The following FARP1 variants were observed in gnomAD, a reference collection of about 807,000 sequenced individuals.
The protein encoded by FARP1 is FERM, ARH/RhoGEF and pleckstrin domain protein 1, also known as FERM, ARHGEF and pleckstrin domain-containing protein 1.
A neutral mutation model predicts 128.8 loss-of-function variants in FARP1; 52 were observed. The ratio of observed to expected loss-of-function variants is 0.40; its 90% CI spans 0.32 to 0.51. FARP1 has a LOEUF of 0.51. Among genes scored for constraint, FARP1 ranks in the 20% least tolerant of loss-of-function variants. FARP1 has a pLI of 0.45. For synonymous variants in FARP1, 580 were observed against 551.8 expected, an observed-to-expected ratio of 1.05 and a Z score of -0.72; for missense variants, 1,333 against 1,367.9, an observed-to-expected ratio of 0.97 and a Z score of 0.40.
chr13:98,410,421 C>T (rs546717313), intron 14 of FARP1, among the ~76,000 whole-genome samples: 1 of 152,290 alleles, frequency 6.6e-6, no homozygotes, highest in South Asian at 2.1e-4. Flanking sequence ...TAATTTGAGT[C>T]CTTTTGCTGA....
intron 1 of FARP1, among the ~76,000 whole-genome samples, chr13:98,152,569 A>G (rs1019924832): frequency 2.6e-5 from 4 of 152,192 alleles, no homozygotes; most frequent in African/African-American, 9.7e-5. Context: ...GCGCACCTGG[A>G]GCTTAGCATG....
intron 2 of FARP1, among the ~76,000 whole-genome samples, chr13:98,259,020 C>T (rs1883745323): frequency 6.6e-6 from 1 of 151,942 alleles, no homozygotes. Context: ...CCAGGCTGGG[C>T]AACATAGTGA....
intron 5 of FARP1, among the ~76,000 whole-genome samples, chr13:98,375,107 T>A (rs536000627): frequency 6.6e-6 from 1 of 152,212 alleles, no homozygotes. Context: ...ACTGATACAC[T>A]TAAACATTTG....
rs1047471343 is a variant in FARP1, at chr13:98,388,477, A to G, written c.854A>G (p.Asn285Ser). Reference protein sequence around the residue: ...RFLIKLRPDANSAYQDTLEFL... With the variant: ...RFLIKLRPDASSAYQDTLEFL... ...CTCATCAAGCTCCGGCCAGATGCCAATGTAAGTGGTCCTGGCGGGAAAGGG... is the reference window on the plus strand; with the variant it reads ...CTCATCAAGCTCCGGCCAGATGCCAGTGTAAGTGGTCCTGGCGGGAAAGGG... The change falls in exon 9 of 27, where the codon AAT (asparagine) becomes AGT (serine). Residue 285 changes from asparagine to serine, a missense_variant and splice_region_variant. Physicochemically the swap from Asn to Ser is conservative, Grantham distance 46. Coordinates refer to ENST00000319562, the MANE Select transcript of FARP1 (RefSeq NM_005766.4). 4.3e-6 allele frequency: 7 copies of G among 1,612,006 alleles called. No homozygotes were observed. The highest frequency in any genetic ancestry group is 2.7e-5 in the African/African-American group (2 of 74,882).
At chr13:98,383,058 A>G (rs1350750966) in intron 6 of FARP1, among the ~76,000 whole-genome samples, 1 of 152,244 alleles carries the variant, frequency 6.6e-6, no homozygotes, top group Non-Finnish European at 1.5e-5. Context: ...TGTTGTTTCA[A>G]GACTACTCTA....
intron 2 of FARP1, among the ~76,000 whole-genome samples, chr13:98,286,096 T>C (rs1306874327): frequency 6.6e-6 from 1 of 152,202 alleles, no homozygotes; most frequent in Non-Finnish European, 1.5e-5. Context: ...TTAGAACCCC[T>C]GGCCTCACTG....
Position 98,151,300 on chromosome 13 carries a change from G to A in FARP1, c.-24+7808G>A, listed in dbSNP as rs78646003. On this transcript the variant is annotated intron_variant, in intron 1 of 26. Coordinates refer to ENST00000319562, the MANE Select transcript of FARP1 (RefSeq NM_005766.4). Reference sequence around the variant, plus strand: ...AAGTACAGGAGAACACAGAGTGTATGTAGGGTTCAGCGCCATCTGCGGTTT... The same window carrying A: ...AAGTACAGGAGAACACAGAGTGTATATAGGGTTCAGCGCCATCTGCGGTTT... Among the ~76,000 whole-genome samples the A allele has an allele frequency of 2.8e-4, 43 of 152,318 alleles. No individual in the cohort carries two copies. In the East Asian group the frequency reaches 8.1e-3, roughly 29 times the overall value.
At chr13:98,276,717 G>A (rs1417388061) in intron 2 of FARP1, among the ~76,000 whole-genome samples, 1 of 152,156 alleles carries the variant, frequency 6.6e-6, no homozygotes, top group Non-Finnish European at 1.5e-5. Context: ...ATAGAAGTTA[G>A]GTTCCTAGGA....
At position 98,446,137 on chromosome 13, in the gene FARP1, A is replaced by G. The variant is rs1351541967; in HGVS notation, c.2836A>G (p.Ser946Gly). Residue 946 changes from serine (S) to glycine (G), a missense_variant, in exon 25 of 27, where the codon AGC becomes GGC. Ser to Gly is a moderately conservative substitution (Grantham distance 56). Transcript: ENST00000319562. ...SGNLLRKFKN[S>G]NGWQKLWVVF... ...AAACCTGCTGAGGAAATTCAAAAAC[A>G]GCAACGGGTGGCAGAAGCTGTGGGT... 27 of 1,614,008 alleles carry G rather than the reference A, an allele frequency of 1.7e-5. No homozygotes were observed. The highest frequency in any genetic ancestry group is 2.1e-5 in the Non-Finnish European group (25 of 1,179,960).
rs188397948 is a variant in FARP1 at position 98,146,931 on chromosome 13, C to A, written c.-24+3439C>A. 5.3e-5 allele frequency among the ~76,000 whole-genome samples: 8 copies of A among 152,338 alleles called. No homozygotes were observed. In the South Asian group the frequency reaches 6.2e-4, roughly 12 times the overall value. ...TGGTGGTACTGGGTCACAGTCCTTT[C>A]TCTCTGTTTCACCCATGGCAACTTA... On this transcript the variant is annotated intron_variant, in intron 1 of 26. Transcript: ENST00000319562.
chr13:98,147,667 T>C (rs1875671219), intron 1 of FARP1, among the ~76,000 whole-genome samples: 1 of 151,832 alleles, frequency 6.6e-6, no homozygotes, highest in Non-Finnish European at 1.5e-5. Flanking sequence ...CCTTGGTAAA[T>C]TATTGTGTTC....
Position 98,377,836 on chromosome 13 carries a change from G to T in FARP1, c.414G>T (p.Leu138=), listed in dbSNP as rs781197754. The change falls in exon 6 of 27, where the codon CTG becomes CTT. Residue 138 remains leucine (L), a synonymous_variant. Transcript: ENST00000319562. ...QEELTRYLFA[L]QVKQDLAQGR... ...ATCTTCGCAGGTACCTGTTCGCGCTGCAGGTGAAGCAGGACTTGGCTCAAG... is the reference window on the plus strand; with the variant it reads ...ATCTTCGCAGGTACCTGTTCGCGCTTCAGGTGAAGCAGGACTTGGCTCAAG... The T allele has an allele frequency of 1.2e-6, 2 of 1,613,784 alleles. No homozygotes were observed. Among genetic ancestry groups the T allele is most frequent in the African/African-American group, 2.7e-5 (2 of 74,908 alleles).
rs1360905429 is a variant in FARP1, at chr13:98,165,481, G to A, written c.-24+21989G>A. ...TAAACCCCACCAATTCAGAGTTCAGGACAGTTGACCCTTTGTCAGTCTAAA... is the reference window on the plus strand; with the variant it reads ...TAAACCCCACCAATTCAGAGTTCAGAACAGTTGACCCTTTGTCAGTCTAAA... On this transcript the variant is annotated intron_variant, in intron 1 of 26. Transcript: ENST00000319562. Among the ~76,000 whole-genome samples, 5 of 151,910 alleles carry A rather than the reference G, an allele frequency of 3.3e-5. No homozygotes were observed. The South Asian group carries it at 6.2e-4, about 19-fold the overall frequency.
At chr13:98,194,474 C>T (rs1486983122) in intron 1 of FARP1, among the ~76,000 whole-genome samples, 3 of 152,186 alleles carry the variant, frequency 2.0e-5, no homozygotes, top group Admixed American at 2.0e-4. Context: ...CCCAGTGTTC[C>T]ATTATTGGAA....
intron 17 of FARP1, among the ~76,000 whole-genome samples, 161 bp downstream of exon 17, chr13:98,424,811 C>G (rs1445771392): frequency 3.9e-5 from 6 of 152,328 alleles, no homozygotes; most frequent in East Asian, 1.9e-4. Flanking sequence ...GCTTACAGCC[C>G]AGGACGGCTT....
chr13:98,241,926 GCAACAA>G (rs374509460), intron 2 of FARP1, among the ~76,000 whole-genome samples: 1 of 151,804 alleles, frequency 6.6e-6, no homozygotes, highest in Admixed American at 6.6e-5. Flanking sequence ...CTAAACAACA[GCAACAA>G]CAACAACAAC....
intron 1 of FARP1, among the ~76,000 whole-genome samples, chr13:98,168,041 G>A (rs1417589049): frequency 2.0e-5 from 3 of 151,958 alleles, no homozygotes; most frequent in Non-Finnish European, 4.4e-5. Flanking sequence ...GCGTGGTGGC[G>A]GGTGCCTGTA....
At chr13:98,237,732 G>A (rs1882509259) in intron 2 of FARP1, among the ~76,000 whole-genome samples, 1 of 152,206 alleles carries the variant, frequency 6.6e-6, no homozygotes, top group Admixed American at 6.5e-5. Context: ...GTCATTACAA[G>A]AAAAAGTTGA....
chr13:98,303,569 G>A (rs1886008787), intron 2 of FARP1, among the ~76,000 whole-genome samples: 1 of 152,182 alleles, frequency 6.6e-6, no homozygotes, highest in Non-Finnish European at 1.5e-5. Flanking sequence ...TGTAAATTAA[G>A]TCCTCTCTGA....
Sources: gnomAD v4.1 joint callset for allele counts (sites outside exome capture counted in the v4.1 genomes callset) on GRCh38, gnomAD v4.1.1 for gene constraint, MANE v1.5 for transcripts, NCBI Gene and HGNC (gene_info 2026-07-23, HGNC 2026-07-21) for gene names.